The following RGS6 variants were observed in gnomAD, a reference collection of about 807,000 sequenced individuals.
RGS6 encodes the protein regulator of G protein signaling 6.
A neutral mutation model predicts 78.5 loss-of-function variants in RGS6; 30 were observed. The ratio of observed to expected loss-of-function variants is 0.38; its 90% confidence interval spans 0.29 to 0.52. RGS6 has a LOEUF of 0.52. Among genes scored for constraint, RGS6 ranks in the 20% least tolerant of loss-of-function variants. The pLI is 0.85. For synonymous variants in RGS6, 206 were observed against 206.0 expected (o/e 1.00, Z 0.00); for missense variants, 495 against 609.7 (o/e 0.81, Z 1.98).
chr14:72,275,025 A>G (rs2060473353), intron 2 of RGS6, among the ~76,000 whole-genome samples: 1 of 152,154 alleles, frequency 6.6e-6, no homozygotes, highest in African/African-American at 2.4e-5. Context: ...ACCAGAGTGA[A>G]AGTTTGTCAC....
chr14:72,073,004 G>A (rs1234985371), intron 2 of RGS6, among the ~76,000 whole-genome samples: 3 of 152,198 alleles, frequency 2.0e-5, no homozygotes, highest in Non-Finnish European at 4.4e-5. Flanking sequence ...GTGATCTAAT[G>A]TGTAGCCAAG....
At chr14:71,967,029 G>A (rs2093563391) in intron 2 of RGS6, among the ~76,000 whole-genome samples, 1 of 151,934 alleles carries the variant, frequency 6.6e-6, no homozygotes, top group South Asian at 2.1e-4. Flanking sequence ...AAAACTTCCT[G>A]CAGGTTTATG....
At chr14:72,185,134 A>G (rs2097222053) in intron 2 of RGS6, among the ~76,000 whole-genome samples, 1 of 152,180 alleles carries the variant, frequency 6.6e-6, no homozygotes, top group Admixed American at 6.5e-5. Context: ...GGAGAAAAAT[A>G]AAGACCAGAA....
chr14:72,211,000 G>T (rs1232784171), intron 2 of RGS6, among the ~76,000 whole-genome samples: 1 of 152,054 alleles, frequency 6.6e-6, no homozygotes, highest in African/African-American at 2.4e-5. Flanking sequence ...GTCAAAATCA[G>T]AACCCTTTGT....
chr14:72,359,888 T>C (rs1017502155), intron 3 of RGS6, among the ~76,000 whole-genome samples: 1 of 138,866 alleles, frequency 7.2e-6, no homozygotes, highest in Non-Finnish European at 1.5e-5. Flanking sequence ...CTGTGAAACA[T>C]TGGGAGCAAA....
intron 2 of RGS6, among the ~76,000 whole-genome samples, chr14:72,274,480 G>A (rs572891869): frequency 1.5e-4 from 23 of 152,342 alleles, no homozygotes; most frequent in South Asian, 8.3e-4. Flanking sequence ...CCACAGGGCC[G>A]GTTCCCTCCT....
intron 1 of RGS6, among the ~76,000 whole-genome samples, chr14:71,936,027 T>TAC (rs1475691803): frequency 5.0e-5 from 7 of 139,612 alleles, no homozygotes; most frequent in African/African-American, 1.6e-4. Context: ...TATATATATA[T>TAC]ATATATATAT....
At chr14:71,962,306 G>A (rs186448842) in intron 1 of RGS6, among the ~76,000 whole-genome samples, 7 of 150,824 alleles carry the variant, frequency 4.6e-5, no homozygotes, top group African/African-American at 7.4e-5. Context: ...GAGGGAGGCC[G>A]GGCAGAGGGA....
intron 3 of RGS6, among the ~76,000 whole-genome samples, chr14:72,450,686 G>T (rs1441615179): frequency 6.6e-6 from 1 of 152,062 alleles, no homozygotes; most frequent in Non-Finnish European, 1.5e-5. Flanking sequence ...AACCAGTCGT[G>T]GTAACAAGGC....
At chr14:72,226,165 A>G (rs1005407709) in intron 2 of RGS6, among the ~76,000 whole-genome samples, 1 of 152,260 alleles carries the variant, frequency 6.6e-6, no homozygotes, top group Non-Finnish European at 1.5e-5. Context: ...TTTGAAAGTA[A>G]TCAACCTCAG....
intron 2 of RGS6, among the ~76,000 whole-genome samples, chr14:72,281,144 C>CT (rs11381940): frequency 0.092 from 10,361 of 112,852 alleles, 756 homozygotes; most frequent in East Asian, 0.29. Context: ...AAACAAGATT[C>CT]TTTTTTTTTT....
intron 2 of RGS6, among the ~76,000 whole-genome samples, chr14:72,214,436 A>G (rs969174132): frequency 3.9e-5 from 6 of 152,174 alleles, no homozygotes; most frequent in Non-Finnish European, 8.8e-5. Flanking sequence ...GTGTGTATGT[A>G]TAAATTACAA....
intron 10 of RGS6, among the ~76,000 whole-genome samples, chr14:72,476,076 C>A (rs1246813933): frequency 1.3e-5 from 2 of 152,134 alleles, no homozygotes; most frequent in South Asian, 4.1e-4. Flanking sequence ...ACATTGCATG[C>A]CCTTCAGTGT....
At chr14:72,382,170 A>G (rs1415860037) in intron 3 of RGS6, among the ~76,000 whole-genome samples, 2 of 152,162 alleles carry the variant, frequency 1.3e-5, no homozygotes, top group Admixed American at 6.5e-5. Flanking sequence ...AAGAAGCCAC[A>G]ATTGGAAGAA....
At chr14:72,379,550 A>C (rs555434178) in intron 3 of RGS6, among the ~76,000 whole-genome samples, 132 of 152,226 alleles carry the variant, frequency 8.7e-4, no homozygotes, top group African/African-American at 3.2e-3. Flanking sequence ...ACTAATGAAA[A>C]AGAAATCAAA....
In RGS6 at chr14:72,510,173, C is replaced by A; in HGVS notation, c.985C>A (p.Arg329=). The change falls in exon 14 of 18, where the codon CGA becomes AGA. Residue 329 remains arginine (R), a synonymous_variant. Transcript: ENST00000553525. ...CCAAAGCAAAGAGCCCAGCCAACAG[C>A]GAGTAAAAAGATGGGGCTTCTCTTT... ...IEMSKEPSQQ[R]VKRWGFSFDE... is the part of the protein sequence containing the mutation. 2 of 1,610,706 alleles carry A rather than the reference C, an allele frequency of 1.2e-6. No individual in the cohort carries two copies. Among genetic ancestry groups the A allele is most frequent in the Non-Finnish European group, 1.7e-6 (2 of 1,178,866 alleles).
At chr14:72,254,707 G>A (rs141164604) in intron 2 of RGS6, among the ~76,000 whole-genome samples, 43 of 152,224 alleles carry the variant, frequency 2.8e-4, no homozygotes, top group African/African-American at 1.0e-3. Flanking sequence ...CACAGAAGCA[G>A]CAATCCCTCC....
the RGS6 span, among the ~76,000 whole-genome samples, chr14:72,600,373 CA>C: frequency 6.6e-6 from 1 of 151,874 alleles, no homozygotes; most frequent in South Asian, 2.1e-4. Flanking sequence ...CAGCTCCCAG[CA>C]CCCCTACTTC....
At chr14:72,475,196 A>G (rs1003632118) in intron 10 of RGS6, among the ~76,000 whole-genome samples, 1 of 126,174 alleles carries the variant, frequency 7.9e-6, no homozygotes, top group Non-Finnish European at 1.6e-5. Flanking sequence ...AGTCTTTTTT[A>G]TGGTTTTTTT....
Sources: allele counts gnomAD v4.1 joint callset (sites outside exome capture counted in the v4.1 genomes callset), GRCh38; gene constraint gnomAD v4.1.1; transcripts MANE v1.5; gene names NCBI Gene and HGNC (gene_info 2026-07-23, HGNC 2026-07-21).